Variants in RPS6KA2 observed in about 807,000 individuals in gnomAD.
RPS6KA2 encodes ribosomal protein S6 kinase alpha-2.
A neutral mutation model predicts 91.8 loss-of-function variants in RPS6KA2; 42 were observed. The ratio of observed to expected loss-of-function variants is 0.46; its 90% confidence interval spans 0.36 to 0.59. RPS6KA2 has a LOEUF of 0.59. RPS6KA2 is among the 20% of genes least tolerant of loss of function. RPS6KA2 has a pLI of 0.00. For missense variants in RPS6KA2, 798 were observed against 978.5 expected, an observed-to-expected ratio of 0.82 and a Z score of 2.46; for synonymous variants, 414 against 393.6, an observed-to-expected ratio of 1.05 and a Z score of -0.61.
chr6:166,833,335 T>G (rs1475434723), intron 2 of RPS6KA2, among the ~76,000 whole-genome samples: 2 of 152,242 alleles, frequency 1.3e-5, no homozygotes, highest in Non-Finnish European at 2.9e-5. Flanking sequence ...AATATGGACT[T>G]TTCCTTTATG....
rs868806730 is a variant in RPS6KA2 at position 166,648,905 on chromosome 6, A to G, written c.124-110121T>C. On this transcript the variant is annotated intron_variant, in intron 2 of 21. Transcript: ENST00000503859. The surrounding 1 kb of genome is among the most constrained non-coding windows in gnomAD (Gnocchi z 4.8). ...CCAAGGCCCATAGAGTCTACCTTGC[A>G]GCGTCTCACCAATTCACCTGTCTCT... is the stretch of plus-strand genomic sequence containing the variant. 6.6e-6 allele frequency among the ~76,000 whole-genome samples: 1 copy of G among 152,114 alleles called. No individual in the cohort carries two copies. Among genetic ancestry groups the G allele is most frequent in the Non-Finnish European group, 1.5e-5 (1 of 68,018 alleles).
intron 2 of RPS6KA2, among the ~76,000 whole-genome samples, chr6:166,761,929 G>A (rs1391957056): frequency 2.6e-5 from 4 of 152,222 alleles, no homozygotes; most frequent in South Asian, 2.1e-4. Flanking sequence ...AGCCCAGGGA[G>A]GGTAAAGCTC....
At chr6:166,690,547 G>T (rs570527233) in intron 2 of RPS6KA2, among the ~76,000 whole-genome samples, 1 of 152,312 alleles carries the variant, frequency 6.6e-6, no homozygotes, top group East Asian at 1.9e-4. Flanking sequence ...CCCTCTATGA[G>T]CTCGAAGACA....
intron 2 of RPS6KA2, among the ~76,000 whole-genome samples, chr6:166,750,559 A>C (rs2128598564): frequency 6.6e-6 from 1 of 151,932 alleles, no homozygotes; most frequent in African/African-American, 2.4e-5. Flanking sequence ...GCCTCTTCTG[A>C]CTCTGTCACA....
At position 166,514,081 on chromosome 6, in the gene RPS6KA2, G is replaced by A. The variant is rs538306377; in HGVS notation, c.299-3724C>T. Reference sequence around the variant, plus strand: ...TAGGCCATAGGATCGCGGATTGTGGGGAGATGTGGGAGCAAAGGTAGGCTC... The same window carrying A: ...TAGGCCATAGGATCGCGGATTGTGGAGAGATGTGGGAGCAAAGGTAGGCTC... On this transcript the variant is annotated intron_variant, in intron 3 of 20. Coordinates refer to ENST00000265678, the MANE Select transcript of RPS6KA2 (RefSeq NM_021135.6). Among the ~76,000 whole-genome samples the A allele has an allele frequency of 3.5e-4, 53 of 152,278 alleles. No homozygotes were observed. In the East Asian group the frequency reaches 9.7e-3, roughly 28 times the overall value.
At chr6:166,776,325 G>C (rs1396940700) in intron 2 of RPS6KA2, among the ~76,000 whole-genome samples, 1 of 152,260 alleles carries the variant, frequency 6.6e-6, no homozygotes, top group African/African-American at 2.4e-5. Context: ...GACTGGAAGA[G>C]AGAGAATGGA....
At chr6:166,688,429 C>T (rs994607566) in intron 2 of RPS6KA2, among the ~76,000 whole-genome samples, 32 of 152,244 alleles carry the variant, frequency 2.1e-4, no homozygotes, top group African/African-American at 7.0e-4. Context: ...TTTTTACCTC[C>T]AGTGCAGCTG....
chr6:166,757,211 C>T (rs973909432), intron 2 of RPS6KA2, among the ~76,000 whole-genome samples: 2 of 152,186 alleles, frequency 1.3e-5, no homozygotes, highest in African/African-American at 4.8e-5. Context: ...TTTGCTTCTG[C>T]ACTTGCAGAA....
upstream of RPS6KA2, among the ~76,000 whole-genome samples, chr6:166,631,154 G>A (rs1313827653): frequency 1.3e-5 from 2 of 152,190 alleles, no homozygotes; most frequent in African/African-American, 2.4e-5. Flanking sequence ...TGAGCATATC[G>A]AAAATTTAAA....
At chr6:166,527,021 G>C (rs1178253648) in intron 3 of RPS6KA2, among the ~76,000 whole-genome samples, 1 of 152,244 alleles carries the variant, frequency 6.6e-6, no homozygotes, top group Admixed American at 6.5e-5. Flanking sequence ...CTGTGGACTG[G>C]ATTATAAACA....
At chr6:166,861,704 G>C (rs1781050564) in intron 1 of RPS6KA2, among the ~76,000 whole-genome samples, 1 of 151,972 alleles carries the variant, frequency 6.6e-6, no homozygotes, top group African/African-American at 2.4e-5. Context: ...TTGCCTTCTG[G>C]TTTCATCTTT....
chr6:166,714,095 G>A lies in RPS6KA2; in HGVS notation c.123+144105C>T, dbSNP rs370378897. On this transcript the variant is annotated intron_variant, in intron 2 of 21. Transcript: ENST00000503859. ...GTCCATCTCCTGGCCAGCCATCAGT[G>A]ATGAATTATTCCTTCCTGTGACTTC... Among the ~76,000 whole-genome samples the A allele has an allele frequency of 2.4e-4, 36 of 152,340 alleles. 2 individuals are homozygous for A. In the East Asian group the frequency reaches 4.4e-3, roughly 19 times the overall value.
intron 2 of RPS6KA2, among the ~76,000 whole-genome samples, chr6:166,705,847 AT>A (rs1217436654): frequency 6.6e-6 from 1 of 152,152 alleles, no homozygotes; most frequent in Non-Finnish European, 1.5e-5. Context: ...CCTAACTCTT[AT>A]GTTGAAATCT....
At chr6:166,620,641 T>C (rs1052349914) in intron 1 of RPS6KA2, among the ~76,000 whole-genome samples, 3 of 152,134 alleles carry the variant, frequency 2.0e-5, no homozygotes, top group Non-Finnish European at 4.4e-5. Context: ...AGAAAAAACA[T>C]TTTTCCCCCA....
intron 1 of RPS6KA2, chr6:166,542,478 G>A (rs991968497): frequency 2.6e-5 from 4 of 152,134 alleles, no homozygotes; most frequent in Non-Finnish European, 4.4e-5. Flanking sequence ...GAGAGCTTTG[G>A]GAGGAGGAGC....
intron 2 of RPS6KA2, among the ~76,000 whole-genome samples, chr6:166,645,833 T>C (rs2128551843): frequency 6.6e-6 from 1 of 152,374 alleles, no homozygotes; most frequent in Non-Finnish European, 1.5e-5. Context: ...TGTGTCAACA[T>C]TTCAACTTAA....
Position 166,603,403 on chromosome 6 carries a change from G to A in RPS6KA2, c.99+23518C>T, listed in dbSNP as rs141178958. 2.4e-4 allele frequency among the ~76,000 whole-genome samples: 37 copies of A among 152,292 alleles called. No homozygotes were observed. The East Asian group carries it at 4.4e-3, about 18-fold the overall frequency. ...GGGTGGGGCAGAGCTCTGGGAGGCCGAGTGGTGACTTCCTCCAGTCCAGCA... is the reference window on the plus strand; with the variant it reads ...GGGTGGGGCAGAGCTCTGGGAGGCCAAGTGGTGACTTCCTCCAGTCCAGCA... On this transcript the variant is annotated intron_variant, in intron 1 of 20. Transcript: ENST00000265678. The surrounding 1 kb of genome is among the most constrained non-coding windows in gnomAD (Gnocchi z 4.3).
intron 10 of RPS6KA2, among the ~76,000 whole-genome samples, chr6:166,485,721 AC>A (rs1419989171): frequency 6.7e-6 from 1 of 150,148 alleles, no homozygotes; most frequent in Non-Finnish European, 1.5e-5. Context: ...ACGGTGATGA[AC>A]GGGGGGGTCT....
At chr6:166,686,049 G>A (rs1789001473) in intron 2 of RPS6KA2, among the ~76,000 whole-genome samples, 1 of 152,140 alleles carries the variant, frequency 6.6e-6, no homozygotes, top group Admixed American at 6.6e-5. Flanking sequence ...CGAATGACTG[G>A]GATAAGCCAG....
Sources: gnomAD v4.1 joint callset for allele counts (sites outside exome capture counted in the v4.1 genomes callset) on GRCh38, gnomAD v4.1.1 for gene constraint, Gnocchi (gnomAD v3.1) non-coding constraint, MANE v1.5 for transcripts, NCBI Gene and HGNC (gene_info 2026-07-23, HGNC 2026-07-21) for gene names.